Variants in MAST4 observed in about 807,000 individuals in gnomAD.
MAST4 encodes microtubule-associated serine/threonine-protein kinase 4.
MAST4 carries 89 observed loss-of-function variants against 162.7 expected under a neutral mutation model. The ratio of observed to expected loss-of-function variants is 0.55; its 90% CI spans 0.46 to 0.65. MAST4 has a LOEUF of 0.65. Ranked by LOEUF, MAST4 falls within the 30% of genes least tolerant of loss-of-function variation. The pLI is 0.00. For missense variants in MAST4, 3,153 were observed against 3,374.0 expected, an observed-to-expected ratio of 0.93 and a Z score of 1.62; for synonymous variants, 1,479 against 1,361.1, an observed-to-expected ratio of 1.09 and a Z score of -1.91.
intron 5 of MAST4, among the ~76,000 whole-genome samples, chr5:67,058,658 A>G (rs937567064): frequency 2.6e-5 from 4 of 152,236 alleles, no homozygotes; most frequent in Non-Finnish European, 1.5e-5. Context: ...GTTAGGTGAA[A>G]ACATTGCATG....
At chr5:66,689,934 T>C (rs1452692708) in intron 1 of MAST4, among the ~76,000 whole-genome samples, 1 of 152,192 alleles carries the variant, frequency 6.6e-6, no homozygotes, top group African/African-American at 2.4e-5. Flanking sequence ...TTTTTTCACA[T>C]GAATTGGGGA....
At chr5:66,822,174 T>C (rs920333397) in intron 3 of MAST4, among the ~76,000 whole-genome samples, 1 of 152,190 alleles carries the variant, frequency 6.6e-6, no homozygotes, top group African/African-American at 2.4e-5. Context: ...CACCTGGTAC[T>C]TCTAAGTACA....
At chr5:67,107,138 TC>T (rs1294519422) in intron 10 of MAST4, among the ~76,000 whole-genome samples, 2 of 152,310 alleles carry the variant, frequency 1.3e-5, no homozygotes, top group East Asian at 3.9e-4. Context: ...TGCAATTCTG[TC>T]CCAGGATATT....
At chr5:67,032,138 G>T (rs1755412296) in intron 4 of MAST4, among the ~76,000 whole-genome samples, 1 of 152,076 alleles carries the variant, frequency 6.6e-6, no homozygotes, top group South Asian at 2.1e-4. Context: ...GAATTATCCT[G>T]CTGTACCTGT....
chr5:66,880,215 G>A (rs1761599621), intron 3 of MAST4, among the ~76,000 whole-genome samples: 1 of 152,056 alleles, frequency 6.6e-6, no homozygotes, highest in South Asian at 2.1e-4. Context: ...AGTAGGAGGG[G>A]AATAAGAGTA....
At chr5:66,697,462 G>A (rs1749481932) in intron 1 of MAST4, among the ~76,000 whole-genome samples, 1 of 152,182 alleles carries the variant, frequency 6.6e-6, no homozygotes, top group African/African-American at 2.4e-5. Context: ...TACTTGTTGA[G>A]TTTTAGGGTA....
At position 66,946,934 on chromosome 5, in the gene MAST4, C is replaced by A. The variant is rs116254825; in HGVS notation, c.674+46952C>A. ...TTTTTTATGCCCTCCCCACTTTAGA[C>A]GTCCACTTTCTTTTTCATTGGCTGC... On this transcript the variant is annotated intron_variant, in intron 4 of 28. Transcript: ENST00000403625. Among the ~76,000 whole-genome samples, 273 of 152,128 alleles carry A rather than the reference C, an allele frequency of 1.8e-3. 1 individual carries two copies. Among genetic ancestry groups the A allele is most frequent in the Non-Finnish European group, 2.9e-3 (194 of 67,976 alleles).
intron 3 of MAST4, among the ~76,000 whole-genome samples, chr5:66,868,397 A>G (rs910087890): frequency 6.7e-4 from 101 of 151,658 alleles, no homozygotes; most frequent in African/African-American, 2.3e-3. Context: ...CCAAACTAAC[A>G]TATATATATG....
intron 4 of MAST4, among the ~76,000 whole-genome samples, chr5:66,969,929 A>G (rs1165950873): frequency 6.6e-6 from 1 of 152,122 alleles, no homozygotes; most frequent in Non-Finnish European, 1.5e-5. Context: ...ATTTCTTTGT[A>G]CTCTACAGAC....
At chr5:66,892,665 C>G (rs925126185) in intron 3 of MAST4, among the ~76,000 whole-genome samples, 3 of 150,264 alleles carry the variant, frequency 2.0e-5, no homozygotes, top group Non-Finnish European at 3.0e-5. Context: ...ATTATCAGTA[C>G]CAGCCCTCCC....
At chr5:66,920,333 G>C (rs13156964) in intron 4 of MAST4, among the ~76,000 whole-genome samples, 1,959 of 152,102 alleles carry the variant, frequency 0.013, 17 homozygotes, top group South Asian at 0.041. Flanking sequence ...TAAAAAATTA[G>C]AGTATATTTT....
rs575133072 is a variant in MAST4 at position 67,167,774 on chromosome 5, C to G, written c.*723C>G. 6.6e-6 allele frequency: 1 copy of G among 152,220 alleles called. No homozygotes were observed. Among genetic ancestry groups the G allele is most frequent in the Non-Finnish European group, 1.5e-5 (1 of 68,038 alleles). 9.4% of individuals were successfully genotyped at this position (152,220 alleles called of 1,614,324 possible). On this transcript the variant is annotated 3_prime_UTR_variant, in exon 29 of 29. Coordinates refer to ENST00000403625, the MANE Select transcript of MAST4 (RefSeq NM_001164664.2). ...TTAGGAATGGCCAGGACAAGTGGAG[C>G]TAGCCATTTTCATTACACGGCCATC...
intron 3 of MAST4, among the ~76,000 whole-genome samples, chr5:66,822,450 G>C (rs549933968): frequency 6.6e-6 from 1 of 152,348 alleles, no homozygotes; most frequent in South Asian, 2.1e-4. Flanking sequence ...TCTTGGTTTT[G>C]TGGAATCCAC....
intron 3 of MAST4, among the ~76,000 whole-genome samples, chr5:66,853,689 A>T (rs544847283): frequency 6.6e-6 from 1 of 152,328 alleles, no homozygotes; most frequent in Admixed American, 6.5e-5. Flanking sequence ...AAGTTTTTCA[A>T]TTCACTGCTT....
intron 4 of MAST4, among the ~76,000 whole-genome samples, chr5:66,938,623 C>T (rs140395113): frequency 5.3e-5 from 8 of 152,288 alleles, no homozygotes; most frequent in East Asian, 1.9e-4. Flanking sequence ...ATACCTGAAC[C>T]GTAACCAGCC....
intron 1 of MAST4, among the ~76,000 whole-genome samples, chr5:66,632,274 C>A (rs1000870682): frequency 5.3e-5 from 8 of 152,098 alleles, no homozygotes; most frequent in African/African-American, 1.9e-4. Flanking sequence ...TGTTCTTTTG[C>A]AAAGTAACTC....
chr5:66,827,936 TTCAA>T (rs1021176691), intron 3 of MAST4, among the ~76,000 whole-genome samples: 1 of 152,202 alleles, frequency 6.6e-6, no homozygotes. Flanking sequence ...CTTGGTTGCT[TTCAA>T]TTGAGATAAG....
chr5:66,713,346 A>T (rs1009606107), intron 1 of MAST4, among the ~76,000 whole-genome samples: 2 of 152,184 alleles, frequency 1.3e-5, no homozygotes, highest in African/African-American at 4.8e-5. Flanking sequence ...GCTGAGACTG[A>T]TGGGACCATA....
At chr5:66,951,596 A>ATGTGTG (rs1491469801) in intron 4 of MAST4, among the ~76,000 whole-genome samples, 30 of 114,754 alleles carry the variant, frequency 2.6e-4, no homozygotes, top group Non-Finnish European at 3.1e-4. Context: ...GCCTCCCATG[A>ATGTGTG]TATGTGTGTG....
Sources: allele counts gnomAD v4.1 joint callset (sites outside exome capture counted in the v4.1 genomes callset), GRCh38; gene constraint gnomAD v4.1.1; transcripts MANE v1.5; gene names NCBI Gene and HGNC (gene_info 2026-07-23, HGNC 2026-07-21).